Variants in SHCBP1 observed in about 807,000 individuals in gnomAD.
SHCBP1 encodes the protein SHC SH2 domain-binding protein 1.
Under a neutral mutation model 75.1 loss-of-function variants are expected in SHCBP1, and 60 were observed. That is an observed-to-expected ratio of 0.80 (90% CI 0.65 to 0.99). The LOEUF is 0.99. Among genes scored for constraint, SHCBP1 ranks in the 50% least tolerant of loss-of-function variants. The pLI, the probability that SHCBP1 is intolerant of heterozygous loss-of-function variation, is 0.00. For synonymous variants in SHCBP1, 290 were observed against 293.2 expected (o/e 0.99, Z 0.11); for missense variants, 709 against 809.4 (o/e 0.88, Z 1.50).
intron 4 of SHCBP1, among the ~76,000 whole-genome samples, chr16:46,611,339 C>T (rs1274113371): frequency 6.6e-6 from 1 of 152,232 alleles, no homozygotes; most frequent in Non-Finnish European, 1.5e-5. Flanking sequence ...TACAAATGCA[C>T]AACAATGAAT....
At chr16:46,605,431 T>C (rs1965310271) in intron 5 of SHCBP1, among the ~76,000 whole-genome samples, 1 of 151,888 alleles carries the variant, frequency 6.6e-6, no homozygotes, top group African/African-American at 2.4e-5. Flanking sequence ...ACTACAAAAA[T>C]ACAAAAATGA....
intron 4 of SHCBP1, 131 bp downstream of exon 4, chr16:46,615,807 TATCTTTGG>T: frequency 1.5e-6 from 1 of 670,558 alleles, no homozygotes; most frequent in South Asian, 2.2e-5. Context: ...AAGATTATCC[TATCTTTGG>T]ATATTTTTAA....
In SHCBP1 at chr16:46,599,926, C is replaced by T; in HGVS notation, c.1250G>A (p.Arg417Lys). The change falls in exon 9 of 13, where the codon AGG becomes AAG. Residue 417 changes from arginine (R) to lysine (K), a missense_variant. Transcript: ENST00000303383. ...GTCCACAAAAGTGTCGCCTTTGCCC[C>T]TCTTTTCTATCACAATGTCATCTGG... ...GLPDDIVIEK[R>K]GKGDTFVDCT... 6.2e-7 allele frequency: 1 copy of T among 1,613,446 alleles called. No homozygotes were observed. Among genetic ancestry groups the T allele is most frequent in the South Asian group, 1.1e-5 (1 of 90,934 alleles).
At chr16:46,602,103 A>C (rs1362443334) in intron 8 of SHCBP1, among the ~76,000 whole-genome samples, 11 of 152,186 alleles carry the variant, frequency 7.2e-5, no homozygotes, top group African/African-American at 2.7e-4. Context: ...CTATATGTCC[A>C]TTTATGACAC....
chr16:46,614,565 G>A (rs1041587362), intron 4 of SHCBP1, among the ~76,000 whole-genome samples: 2 of 152,052 alleles, frequency 1.3e-5, no homozygotes, highest in African/African-American at 4.8e-5. Context: ...AGGGACAAGG[G>A]GTCCACTTGT....
In SHCBP1 at chr16:46,616,262, G is replaced by T. The variant is rs549756264; in HGVS notation, c.388-108C>A. 9.2e-7 allele frequency: 1 copy of T among 1,090,672 alleles called. No homozygotes were observed. The highest frequency in any genetic ancestry group is 1.6e-5 in the African/African-American group (1 of 63,680). 67.6% of individuals were successfully genotyped at this position (1,090,672 alleles called of 1,614,324 possible). ...TTTAAAAGCATACAACATGGGTGGG[G>T]AGGCTTTACCCATAATATAAAGGAT... On this transcript the variant is annotated intron_variant, in intron 3 of 12. Transcript: ENST00000303383. The surrounding 1 kb of genome is among the most constrained non-coding windows in gnomAD (Gnocchi z 4.4).
chr16:46,608,452 G>T, intron 4 of SHCBP1, 63 bp from the exon 5 acceptor site: 1 of 1,082,202 alleles, frequency 9.2e-7, no homozygotes, highest in South Asian at 1.3e-5. Context: ...GATTTTGGAG[G>T]GGTGAGAGCT....
chr16:46,595,413 A>G (rs1965120292), intron 10 of SHCBP1, 139 bp downstream of exon 10: 6 of 740,922 alleles, frequency 8.1e-6, no homozygotes, highest in Non-Finnish European at 1.4e-5. Flanking sequence ...AGACCCTTGC[A>G]CAGTTGAGTT....
At chr16:46,615,401 T>C (rs1441687707) in intron 4 of SHCBP1, among the ~76,000 whole-genome samples, 1 of 152,166 alleles carries the variant, frequency 6.6e-6, no homozygotes, top group Non-Finnish European at 1.5e-5. Flanking sequence ...TATACTAGTT[T>C]TGTCAGCTTT....
At chr16:46,618,958 A>T (rs1469026032) in intron 1 of SHCBP1, among the ~76,000 whole-genome samples, 1 of 152,240 alleles carries the variant, frequency 6.6e-6, no homozygotes, top group Non-Finnish European at 1.5e-5. Flanking sequence ...CCTTTAAGAA[A>T]GGGAGCTGAC....
At position 46,608,406 on chromosome 16, in the gene SHCBP1, T is replaced by TTCC; in HGVS notation, c.597-18_597-17insGGA. ...TAGAAAAATCTGAAATGGAACTTAG[T>TTCC]ATCATTCAAATTCTATCACTGGCTC... On this transcript the variant is annotated splice_polypyrimidine_tract_variant and intron_variant, in intron 4 of 12. Coordinates refer to ENST00000303383, the MANE Select transcript of SHCBP1 (RefSeq NM_024745.5). 6.4e-7 allele frequency: 1 copy of TTCC among 1,564,358 alleles called. No individual in the cohort carries two copies.
At position 46,600,204 on chromosome 16, in the gene SHCBP1, T is replaced by A. The variant is rs914670012; in HGVS notation, c.1214-242A>T. Reference sequence around the variant, plus strand: ...ATCAGGAAGACTACCCTATCAACTATCCCACATCAGCTCAGTACTAAATTC... The same window carrying A: ...ATCAGGAAGACTACCCTATCAACTAACCCACATCAGCTCAGTACTAAATTC... On this transcript the variant is annotated intron_variant, in intron 8 of 12. Coordinates refer to ENST00000303383, the MANE Select transcript of SHCBP1 (RefSeq NM_024745.5). Among the ~76,000 whole-genome samples the A allele has an allele frequency of 4.6e-5, 7 of 152,224 alleles. No homozygotes were observed. In the East Asian group the frequency reaches 1.3e-3, roughly 29 times the overall value.
intron 5 of SHCBP1, among the ~76,000 whole-genome samples, chr16:46,607,187 T>C (rs1388608580): frequency 3.9e-5 from 6 of 152,128 alleles, no homozygotes; most frequent in Non-Finnish European, 7.4e-5. Context: ...AAACCCTGTC[T>C]CTACTAAAAA....
At chr16:46,618,874 T>C (rs1400769340) in intron 1 of SHCBP1, among the ~76,000 whole-genome samples, 1 of 152,240 alleles carries the variant, frequency 6.6e-6, no homozygotes, top group African/African-American at 2.4e-5. Flanking sequence ...CAGCCTGTGA[T>C]TTATACTACA....
intron 4 of SHCBP1, 145 bp from the exon 5 acceptor site, chr16:46,608,534 C>A: frequency 1.7e-6 from 1 of 586,826 alleles, no homozygotes. Flanking sequence ...AGTCATGAGT[C>A]ACACAACATA....
intron 10 of SHCBP1, among the ~76,000 whole-genome samples, chr16:46,591,353 T>C (rs977545097): frequency 2.6e-5 from 4 of 151,706 alleles, no homozygotes; most frequent in Admixed American, 2.6e-4. Flanking sequence ...ATGCAAACAA[T>C]AATCAAAGGA....
At chr16:46,607,850 C>T (rs1054227939) in intron 5 of SHCBP1, among the ~76,000 whole-genome samples, 4 of 152,120 alleles carry the variant, frequency 2.6e-5, no homozygotes, top group African/African-American at 9.7e-5. Context: ...TAGAGTAAAG[C>T]CATATACCTT....
At chr16:46,610,335 G>A (rs1965389514) in intron 4 of SHCBP1, among the ~76,000 whole-genome samples, 1 of 151,936 alleles carries the variant, frequency 6.6e-6, no homozygotes, top group African/African-American at 2.4e-5. Context: ...AATATCCAGT[G>A]TTCAAATTCC....
chr16:46,595,473 T>TA lies in SHCBP1; in HGVS notation c.1464+78dup, dbSNP rs1469850386. 6.3e-6 allele frequency: 7 copies of TA among 1,104,586 alleles called. No individual in the cohort carries two copies. The Admixed American group carries it at 8.5e-5, about 13-fold the overall frequency. The allele number at this position is 1,104,586 out of a possible 1,614,324, so 68.4% of individuals were successfully genotyped here. Reference sequence around the variant, plus strand: ...TCTGAAGAGAGTGGGAGTACACACATACATCTTGGTCCCATATTTCATATA... The same window carrying TA: ...TCTGAAGAGAGTGGGAGTACACACATAACATCTTGGTCCCATATTTCATATA... On this transcript the variant is annotated intron_variant, in intron 10 of 12. Transcript: ENST00000303383.
Sources: gnomAD v4.1 joint callset for allele counts (sites outside exome capture counted in the v4.1 genomes callset) on GRCh38, gnomAD v4.1.1 for gene constraint, Gnocchi (gnomAD v3.1) non-coding constraint, MANE v1.5 for transcripts, NCBI Gene and HGNC (gene_info 2026-07-23, HGNC 2026-07-21) for gene names.